USP3: variants seen among roughly 807,000 people sequenced by gnomAD.
USP3 encodes the protein ubiquitin specific peptidase 3, also known as ubiquitin carboxyl-terminal hydrolase 3.
USP3 carries 20 observed loss-of-function variants against 72.3 expected under a neutral mutation model. The ratio of observed to expected loss-of-function variants is 0.28; its 90% CI spans 0.19 to 0.40. The LOEUF is 0.40. USP3 is among the 10% of genes least tolerant of loss of function. The pLI is 1.00. For synonymous variants in USP3, 222 were observed against 225.3 expected, an observed-to-expected ratio of 0.99 and a Z score of 0.13; for missense variants, 479 against 633.9, an observed-to-expected ratio of 0.76 and a Z score of 2.62.
intron 3 of USP3, among the ~76,000 whole-genome samples, chr15:63,546,845 T>G (rs1160450106): frequency 3.3e-5 from 5 of 152,134 alleles, no homozygotes; most frequent in Non-Finnish European, 1.5e-5. Context: ...CCTGACCTCG[T>G]GATCTGCCCA....
At chr15:63,582,313 T>C (rs779378729) in intron 11 of USP3, among the ~76,000 whole-genome samples, 2 of 152,166 alleles carry the variant, frequency 1.3e-5, no homozygotes, top group African/African-American at 2.4e-5. Context: ...AACTAGGGTT[T>C]ACTATAATAG....
chr15:63,545,970 CAAAAAAAAAAA>C (rs60122671), intron 3 of USP3, among the ~76,000 whole-genome samples: 3 of 68,856 alleles, frequency 4.4e-5, no homozygotes, highest in Non-Finnish European at 5.0e-5. Flanking sequence ...GACCTTGTCT[CAAAAAAAAAAA>C]AAAAAAAAAA....
intron 1 of USP3, among the ~76,000 whole-genome samples, chr15:63,511,424 A>T (rs1031724446): frequency 4.6e-5 from 7 of 152,148 alleles, no homozygotes; most frequent in Non-Finnish European, 7.4e-5. Flanking sequence ...AAAATTACTT[A>T]TTTTAAAATT....
Position 63,554,954 on chromosome 15 carries a change from C to G in USP3, c.368+1156C>G, listed in dbSNP as rs181167203. Among the ~76,000 whole-genome samples, 17 of 152,240 alleles carry G rather than the reference C, an allele frequency of 1.1e-4. No homozygotes were observed. The South Asian group carries it at 1.5e-3, about 13-fold the overall frequency. ...ATATTTAATTTTCTCTGAAACTGTTCACAATAAACATGAAGTCTGAGATTC... is the reference window on the plus strand; with the variant it reads ...ATATTTAATTTTCTCTGAAACTGTTGACAATAAACATGAAGTCTGAGATTC... On this transcript the variant is annotated intron_variant, in intron 4 of 14. Transcript: ENST00000380324.
At chr15:63,546,507 T>A (rs1033343980) in intron 3 of USP3, among the ~76,000 whole-genome samples, 1 of 152,220 alleles carries the variant, frequency 6.6e-6, no homozygotes, top group Non-Finnish European at 1.5e-5. Flanking sequence ...GTCTGAGGTA[T>A]GCATAATTCT....
chr15:63,563,425 C>T (rs1013901975), intron 8 of USP3, among the ~76,000 whole-genome samples: 1 of 152,176 alleles, frequency 6.6e-6, no homozygotes, highest in African/African-American at 2.4e-5. Flanking sequence ...GAGCTGAGTT[C>T]GGCAGCTCTG....
chr15:63,508,474 G>A (rs1365680906), intron 1 of USP3, among the ~76,000 whole-genome samples: 4 of 152,106 alleles, frequency 2.6e-5, no homozygotes, highest in African/African-American at 7.2e-5. Context: ...TGTGGTTTAA[G>A]GTAAATGTTG....
intron 1 of USP3, among the ~76,000 whole-genome samples, chr15:63,518,820 C>T (rs1221406752): frequency 2.6e-5 from 4 of 151,944 alleles, no homozygotes; most frequent in Non-Finnish European, 5.9e-5. Context: ...GGCTGGAGTG[C>T]AGTGGCGTGA....
At position 63,563,023 on chromosome 15, in the gene USP3, A is replaced by G. The variant is rs2066632267; in HGVS notation, c.761+15A>G. On this transcript the variant is annotated intron_variant, in intron 8 of 14. Coordinates refer to ENST00000380324, the MANE Select transcript of USP3 (RefSeq NM_006537.4). ...CCAAACTTTAGGTAAGTATTATATG[A>G]AGATATTTTTAAACATTAATATTAG... The G allele has an allele frequency of 6.4e-7, 1 of 1,553,638 alleles. No individual in the cohort carries two copies. The highest frequency in any genetic ancestry group is 1.4e-5 in the African/African-American group (1 of 72,902).
chr15:63,577,486 G>A (rs2066881959), intron 11 of USP3, among the ~76,000 whole-genome samples: 1 of 152,204 alleles, frequency 6.6e-6, no homozygotes, highest in African/African-American at 2.4e-5. Flanking sequence ...GCCGGGCGTG[G>A]TGGCTCACGC....
intron 3 of USP3, among the ~76,000 whole-genome samples, chr15:63,547,845 GGAGA>G (rs1246222693): frequency 0.028 from 1,208 of 43,744 alleles, 112 homozygotes; most frequent in African/African-American, 0.1. Context: ...AGGGAGGGAG[GGAGA>G]GAGAGAGAGA....
In USP3 at chr15:63,574,176, TATATA is replaced by T; in HGVS notation, c.1015+29_1015+33del. 1 of 1,469,068 alleles carries T rather than the reference TATATA, an allele frequency of 6.8e-7. No individual in the cohort carries two copies. Among genetic ancestry groups the T allele is most frequent in the Non-Finnish European group, 9.1e-7 (1 of 1,093,696 alleles). The allele number at this position is 1,469,068 out of a possible 1,614,324, so 91.0% of individuals were successfully genotyped here. On this transcript the variant is annotated intron_variant, in intron 10 of 14. Transcript: ENST00000380324. This position sits in a 1 kb window ranked among gnomAD's most constrained non-coding sequence, Gnocchi z 4.6. ...AGGTAAGATATATGTGGCATGTGGA[TATATA>T]ATATTTTATTAAAATAAATTTAATG...
At chr15:63,557,283 G>A (rs1312872322) in intron 5 of USP3, among the ~76,000 whole-genome samples, 4 of 147,436 alleles carry the variant, frequency 2.7e-5, no homozygotes, top group African/African-American at 1.0e-4. Context: ...TTTTTTTTGA[G>A]ATGGAGTCTC....
chr15:63,523,630 C>T (rs531689629), intron 1 of USP3, among the ~76,000 whole-genome samples: 2 of 152,286 alleles, frequency 1.3e-5, no homozygotes, highest in South Asian at 2.1e-4. Flanking sequence ...GTGCCCCTTC[C>T]TTTTTAGGTC....
At chr15:63,524,110 T>C (rs1363949348) in intron 1 of USP3, among the ~76,000 whole-genome samples, 1 of 152,246 alleles carries the variant, frequency 6.6e-6, no homozygotes, top group East Asian at 1.9e-4. Flanking sequence ...AGAATTAGGT[T>C]GTCCTGAGAT....
At position 63,513,348 on chromosome 15, in the gene USP3, C is replaced by G. The variant is rs533843173; in HGVS notation, c.91+8518C>G. ...GTTCTACCTTCTTTAAATCTTTGTC[C>G]TTGATGACCAAGCTCAGGTTTTTAT... is the stretch of plus-strand genomic sequence containing the variant. On this transcript the variant is annotated intron_variant, in intron 1 of 14. Coordinates refer to ENST00000380324, the MANE Select transcript of USP3 (RefSeq NM_006537.4). Among the ~76,000 whole-genome samples the G allele has an allele frequency of 4.7e-4, 72 of 152,192 alleles. 1 individual carries two copies. The South Asian group carries it at 0.011, about 22-fold the overall frequency.
chr15:63,514,910 T>TTCA (rs2065831623), intron 1 of USP3, among the ~76,000 whole-genome samples: 1 of 152,258 alleles, frequency 6.6e-6, no homozygotes, highest in Non-Finnish European at 1.5e-5. Context: ...CAGATCTTGC[T>TTCA]GTATTAAATA....
intron 1 of USP3, among the ~76,000 whole-genome samples, chr15:63,517,049 A>G (rs548732657): frequency 1.5e-3 from 203 of 139,916 alleles, no homozygotes; most frequent in Non-Finnish European, 2.5e-3. Flanking sequence ...TTTTTTTTTT[A>G]TTATATTATA....
chr15:63,580,674 T>TATATATATATATATATATA (rs1566917047), intron 11 of USP3, among the ~76,000 whole-genome samples: 1 of 131,156 alleles, frequency 7.6e-6, no homozygotes, highest in African/African-American at 3.1e-5. Flanking sequence ...TATATATGAA[T>TATATATATATATATATATA]ATATAATATA....
Sources: allele counts gnomAD v4.1 joint callset (sites outside exome capture counted in the v4.1 genomes callset), GRCh38; gene constraint gnomAD v4.1.1; non-coding constraint Gnocchi (gnomAD v3.1); transcripts MANE v1.5; gene names NCBI Gene and HGNC (gene_info 2026-07-23, HGNC 2026-07-21).